The following TRPV5 variants were observed in gnomAD, a reference collection of about 807,000 sequenced individuals.
TRPV5 encodes transient receptor potential cation channel subfamily V member 5, also known as calcium transport protein 2.
TRPV5 carries 66 observed loss-of-function variants against 74.1 expected under a neutral mutation model. The observed-to-expected ratio is 0.89, with a 90% confidence interval of 0.73 to 1.09. The LOEUF (loss-of-function observed/expected upper bound fraction) is 1.09. Ranked by LOEUF, TRPV5 falls within the 50% of genes least tolerant of loss-of-function variation. The probability of loss-of-function intolerance (pLI) is 0.00; values close to 1 mark genes in which losing one functional copy is unlikely to be tolerated. For missense variants in TRPV5, 936 were observed against 930.4 expected (o/e 1.01, Z -0.08); for synonymous variants, 399 against 360.7 (o/e 1.11, Z -1.20).
intron 8 of TRPV5, among the ~76,000 whole-genome samples, chr7:142,921,438 T>G (rs556219064): frequency 3.3e-5 from 5 of 152,216 alleles, no homozygotes; most frequent in African/African-American, 9.6e-5. Flanking sequence ...CTCACCACCA[T>G]GCCTGGCTAA....
At chr7:142,912,886 A>G (rs1795726839) in intron 12 of TRPV5, 136 bp from the exon 13 acceptor site, 2 of 1,010,634 alleles carry the variant, frequency 2.0e-6, no homozygotes, top group African/African-American at 1.6e-5. Flanking sequence ...CTATCTAAAT[A>G]CACTTGCACA....
In TRPV5 at chr7:142,925,676, G is replaced by A; in HGVS notation, c.975C>T (p.Gly325=). The A allele has an allele frequency of 1.2e-6, 2 of 1,614,168 alleles. No homozygotes were observed. ...CAGCCAGGATGCAGAAGTACGGCCG[G>A]CCATACTTGTTCCACTTGAAGCTCA... The part of the protein sequence containing the change: ...ELVSFKWNKY[G]RPYFCILAAL... The change falls in exon 8 of 15, where the codon GGC becomes GGT. Residue 325 remains glycine (G), a synonymous_variant. Transcript: ENST00000265310.
intron 8 of TRPV5, among the ~76,000 whole-genome samples, chr7:142,923,463 C>T (rs1358580892): frequency 6.6e-6 from 1 of 152,218 alleles, no homozygotes; most frequent in East Asian, 1.9e-4. Context: ...TAAATCAGGG[C>T]CAGGGCTCAA....
chr7:142,927,791 C>T (rs930565569), intron 7 of TRPV5, among the ~76,000 whole-genome samples: 1 of 152,204 alleles, frequency 6.6e-6, no homozygotes, highest in Non-Finnish European at 1.5e-5. Flanking sequence ...AAATGCAAAC[C>T]ATATCAATGC....
intron 8 of TRPV5, among the ~76,000 whole-genome samples, chr7:142,920,751 A>G (rs1467631825): frequency 1.3e-5 from 2 of 152,234 alleles, no homozygotes; most frequent in African/African-American, 4.8e-5. Flanking sequence ...TAGGATTTCT[A>G]CAAAGATTAA....
chr7:142,913,831 T>TG, intron 12 of TRPV5, among the ~76,000 whole-genome samples: 1 of 152,230 alleles, frequency 6.6e-6, no homozygotes. Flanking sequence ...GTCTAATAGA[T>TG]GGTCAGTTGC....
chr7:142,919,629 G>C (rs1795852332), intron 8 of TRPV5, among the ~76,000 whole-genome samples: 1 of 152,118 alleles, frequency 6.6e-6, no homozygotes, highest in African/African-American at 2.4e-5. Context: ...CCACAACATG[G>C]CTTGCAATTT....
intron 8 of TRPV5, among the ~76,000 whole-genome samples, chr7:142,922,598 C>T (rs1240559840): frequency 6.6e-6 from 1 of 152,132 alleles, no homozygotes; most frequent in East Asian, 1.9e-4. Flanking sequence ...TACTAGCTTC[C>T]TAGGTTTCTA....
chr7:142,908,187 ACTT>A lies in TRPV5; in HGVS notation c.*324_*326del. On this transcript the variant is annotated 3_prime_UTR_variant, in exon 15 of 15. Coordinates refer to ENST00000265310, the MANE Select transcript of TRPV5 (RefSeq NM_019841.7). ...AGCCAGAAAAGCCTCACAGCTTACT[ACTT>A]TCTAGGGGCTGCGTGGGGCAGAAGA... The A allele has an allele frequency of 2.7e-6, 1 of 367,776 alleles. No individual in the cohort carries two copies. Among genetic ancestry groups the A allele is most frequent in the Non-Finnish European group, 4.9e-6 (1 of 202,188 alleles). 22.8% of individuals were successfully genotyped at this position (367,776 alleles called of 1,614,324 possible).
chr7:142,929,941 T>C (rs573489102), intron 3 of TRPV5, 117 bp downstream of exon 3: 142 of 1,500,368 alleles, frequency 9.5e-5, no homozygotes, highest in Middle Eastern at 5.2e-4. Context: ...ACGGAGCCCA[T>C]CCTCCTGACC....
intron 8 of TRPV5, among the ~76,000 whole-genome samples, chr7:142,920,237 C>T (rs899813591): frequency 6.6e-6 from 1 of 152,184 alleles, no homozygotes; most frequent in African/African-American, 2.4e-5. Flanking sequence ...AATTTCATGT[C>T]CCAGTCTCTG....
rs1046397073 is a variant in TRPV5, at chr7:142,915,635, C to T, written c.1123-67G>A. On this transcript the variant is annotated intron_variant, in intron 8 of 14. Transcript: ENST00000265310. ...AGTCAAATCCTTTTGTGCAAATGAT[C>T]GAAAGCTGCTAAAGCCCATCCAAAA... The T allele has an allele frequency of 1.7e-5, 26 of 1,517,684 alleles. No individual in the cohort carries two copies. The African/African-American group carries it at 2.6e-4, about 15-fold the overall frequency. The allele number at this position is 1,517,684 out of a possible 1,614,324, so 94.0% of individuals were successfully genotyped here.
At position 142,908,442 on chromosome 7, in the gene TRPV5, G is replaced by T; in HGVS notation, c.*72C>A. On this transcript the variant is annotated 3_prime_UTR_variant, in exon 15 of 15. Transcript: ENST00000265310. ...GGCACAGAAGTTAGACACTTGCATAGGCAGAGGTCTCCGTCTCTGTCCCCG... is the reference window on the plus strand; with the variant it reads ...GGCACAGAAGTTAGACACTTGCATATGCAGAGGTCTCCGTCTCTGTCCCCG... 1 of 1,536,292 alleles carries T rather than the reference G, an allele frequency of 6.5e-7. No individual in the cohort carries two copies. Among genetic ancestry groups the T allele is most frequent in the Non-Finnish European group, 8.9e-7 (1 of 1,120,622 alleles).
intron 8 of TRPV5, among the ~76,000 whole-genome samples, chr7:142,920,467 C>T (rs1404045): frequency 0.78 from 118,731 of 152,146 alleles, 49,489 homozygotes; most frequent in East Asian, 0.96. Flanking sequence ...ACTTCTCAAG[C>T]GCCTCTCCTC....
At position 142,914,928 on chromosome 7, in the gene TRPV5, T is replaced by G; in HGVS notation, c.1405A>C (p.Thr469Pro). The G allele has an allele frequency of 6.2e-7, 1 of 1,613,584 alleles. No homozygotes were observed. ...VLGWCSVMYF[T>P]RGFQMLGPFT... ...GGACCCAGCATCTGGAATCCTCGAG[T>G]GAAATACATGACACTGCACCAGCCC... Residue 469 changes from threonine to proline, a missense_variant, in exon 11 of 15, where the codon ACT (threonine) becomes CCT (proline). Coordinates refer to ENST00000265310, the MANE Select transcript of TRPV5 (RefSeq NM_019841.7).
intron 2 of TRPV5, 55 bp from the exon 3 acceptor site, chr7:142,930,235 G>A (rs1796063415): frequency 6.2e-7 from 1 of 1,607,582 alleles, no homozygotes; most frequent in African/African-American, 1.3e-5. Flanking sequence ...CTTGAGGAAG[G>A]GGCCTCAGGC....
intron 8 of TRPV5, among the ~76,000 whole-genome samples, chr7:142,916,051 C>A (rs1406804615): frequency 6.6e-6 from 1 of 152,194 alleles, no homozygotes; most frequent in African/African-American, 2.4e-5. Flanking sequence ...TCTAGTGAGA[C>A]CTTGAACCAT....
Position 142,908,166 on chromosome 7 carries a change from A to G in TRPV5, c.*348T>C, listed in dbSNP as rs1239735316. On this transcript the variant is annotated 3_prime_UTR_variant, in exon 15 of 15. Transcript: ENST00000265310. ...CTTCCCACGTAAGCCCTGGGGAGCC[A>G]GAAAAGCCTCACAGCTTACTACTTT... 6 of 301,662 alleles carry G rather than the reference A, an allele frequency of 2.0e-5. No homozygotes were observed. Among genetic ancestry groups the G allele is most frequent in the Non-Finnish European group, 3.7e-5 (6 of 162,342 alleles). 18.7% of individuals were successfully genotyped at this position (301,662 alleles called of 1,614,324 possible).
In TRPV5 at chr7:142,928,833, G is replaced by A. The variant is rs1563377560; in HGVS notation, c.620C>T (p.Pro207Leu). ...NTVLHILILQPNKTFACQMYN... is the reference protein window; with the variant it reads ...NTVLHILILQLNKTFACQMYN... ...CATCTGGCAGGCAAAGGTTTTGTTG[G>A]GCTGGAGGATGAGGATGTGTAATAC... Residue 207 changes from proline to leucine, a missense_variant, in exon 6 of 15, where the codon CCC becomes CTC. By Grantham distance (98) the Pro-to-Leu change is moderately conservative. Transcript: ENST00000265310. 6.2e-7 allele frequency: 1 copy of A among 1,614,124 alleles called. No individual in the cohort carries two copies. Among genetic ancestry groups the A allele is most frequent in the Non-Finnish European group, 8.5e-7 (1 of 1,180,022 alleles).
Sources: gnomAD v4.1 joint callset for allele counts (sites outside exome capture counted in the v4.1 genomes callset) on GRCh38, gnomAD v4.1.1 for gene constraint, MANE v1.5 for transcripts, NCBI Gene and HGNC (gene_info 2026-07-23, HGNC 2026-07-21) for gene names.